The following PRAMEF17 variants were observed in gnomAD, a reference collection of about 807,000 sequenced individuals.
PRAMEF17 encodes the protein PRAME family member 17.
In PRAMEF17, 48 loss-of-function variants were observed where a neutral mutation model predicts 36.8. That is an observed-to-expected ratio of 1.30 (90% CI 1.03 to 1.66). PRAMEF17 has a LOEUF of 1.66. PRAMEF17 is among the 40% of genes most tolerant of loss of function. The pLI, the probability that PRAMEF17 is intolerant of heterozygous loss-of-function variation, is 0.00. For synonymous variants in PRAMEF17, 246 were observed against 220.4 expected, an observed-to-expected ratio of 1.12 and a Z score of -1.03; for missense variants, 639 against 560.6, an observed-to-expected ratio of 1.14 and a Z score of -1.41.
Position 13,392,175 on chromosome 1 carries a change from C to A in PRAMEF17, c.1098C>A (p.Leu366=). ...ACTGTCAGATCCAGGACTCCCAGCT[C>A]AGGGTCCTCCTGCCTGCCCTGAGCC... is the stretch of plus-strand genomic sequence containing the variant. ...LKDCQIQDSQ[L]RVLLPALSRC... Residue 366 remains leucine (L), a synonymous_variant, in exon 3 of 3, where the codon CTC becomes CTA. Coordinates refer to ENST00000376098, the MANE Select transcript of PRAMEF17 (RefSeq NM_001099851.3). 6.2e-7 allele frequency: 1 copy of A among 1,611,978 alleles called. No homozygotes were observed. The highest frequency in any genetic ancestry group is 8.5e-7 in the Non-Finnish European group (1 of 1,179,834).
chr1:13,390,298 G>A (rs1440750140), intron 1 of PRAMEF17, 43 bp from the exon 2 acceptor site: 2 of 1,611,818 alleles, frequency 1.2e-6, no homozygotes, highest in African/African-American at 1.3e-5. Flanking sequence ...TCAGGGGTGG[G>A]TCTTTGCCTA....
intron 2 of PRAMEF17, among the ~76,000 whole-genome samples, 181 bp downstream of exon 2, chr1:13,391,100 G>A (rs1307752992): frequency 1.3e-5 from 2 of 152,332 alleles, no homozygotes; most frequent in East Asian, 1.9e-4. Context: ...GGTATCACAA[G>A]CCCGCTCAAA....
chr1:13,390,779 T>A lies in PRAMEF17; in HGVS notation c.726T>A (p.Gly242=). The A allele has an allele frequency of 6.2e-7, 1 of 1,611,980 alleles. No individual in the cohort carries two copies. Among genetic ancestry groups the A allele is most frequent in the Admixed American group, 1.7e-5 (1 of 60,004 alleles). Residue 242 remains glycine (G), a synonymous_variant, in exon 2 of 3, where the codon GGT becomes GGA. Coordinates refer to ENST00000376098, the MANE Select transcript of PRAMEF17 (RefSeq NM_001099851.3). The part of the protein sequence containing the change: ...SNLRKLFLAF[G]YDDELYVSGQ... ...TTCGCAAACTCTTTTTAGCCTTCGG[T>A]TATGACGATGAGTTATATGTAAGCG... is the stretch of plus-strand genomic sequence containing the variant.
At position 13,392,392 on chromosome 1, in the gene PRAMEF17, T is replaced by C. The variant is rs543227398; in HGVS notation, c.1315T>C (p.Cys439Arg). 1.4e-4 allele frequency: 218 copies of C among 1,612,002 alleles called. 2 individuals carry two copies. In the East Asian group the frequency reaches 2.3e-3, roughly 17 times the overall value. ...CGCCCCAATTCGGGCTGAGCTGATG[T>C]GTACACTCAGGGAAGTCAGGCAGCC... ...ILAPIRAELMCTLREVRQPKR... is the reference protein window; with the variant it reads ...ILAPIRAELMRTLREVRQPKR... Residue 439 changes from cysteine (C) to arginine (R), a missense_variant, in exon 3 of 3, where the codon TGT (cysteine) becomes CGT (arginine). Cys to Arg is a radical substitution (Grantham distance 180). Coordinates refer to ENST00000376098, the MANE Select transcript of PRAMEF17 (RefSeq NM_001099851.3).
chr1:13,390,633 A>C lies in PRAMEF17; in HGVS notation c.580A>C (p.Ser194Arg). 6.2e-7 allele frequency: 1 copy of C among 1,612,010 alleles called. No individual in the cohort carries two copies. The highest frequency in any genetic ancestry group is 2.2e-5 in the East Asian group (1 of 44,878). Residue 194 changes from serine (S) to arginine (R), a missense_variant, in exon 2 of 3, where the codon AGT (serine) becomes CGT (arginine). Physicochemically the swap from Ser to Arg is moderately radical, Grantham distance 110. Transcript: ENST00000376098. ...GCAGAATTACTCAATGCCCACTTCA[A>C]GTTTCAGAAATTTATTGAAAAGGGT... ...KVQNYSMPTS[S>R]FRNLLKRVYP... is the part of the protein sequence containing the mutation.
intron 2 of PRAMEF17, 29 bp downstream of exon 2, chr1:13,390,948 A>C: frequency 3.7e-6 from 6 of 1,611,818 alleles, no homozygotes; most frequent in Non-Finnish European, 2.5e-6. Flanking sequence ...CTTTCTCTGC[A>C]GACCATACCA....
intron 2 of PRAMEF17, among the ~76,000 whole-genome samples, chr1:13,391,123 G>C (rs1640874916): frequency 6.6e-6 from 1 of 152,210 alleles, no homozygotes; most frequent in Non-Finnish European, 1.5e-5. Flanking sequence ...AGGGCGGAGG[G>C]ATGGCCCGGG....
intron 2 of PRAMEF17, among the ~76,000 whole-genome samples, 161 bp downstream of exon 2, chr1:13,391,080 T>A (rs1435090209): frequency 5.3e-5 from 8 of 152,288 alleles, no homozygotes; most frequent in East Asian, 1.9e-4. Flanking sequence ...GTGCTCTATA[T>A]CCTGAAGTGG....
Position 13,391,967 on chromosome 1 carries a change from C to T in PRAMEF17, c.890C>T (p.Thr297Ile). 6.2e-7 allele frequency: 1 copy of T among 1,611,514 alleles called. No individual in the cohort carries two copies. The highest frequency in any genetic ancestry group is 1.1e-5 in the South Asian group (1 of 90,910). ...AGGTGCCTCAAGAACCCCTTGGGAA[C>T]CTTTATATTCTGTCATGCTTACCTA... The part of the protein sequence containing the change: ...LLRCLKNPLG[T>I]FIFCHAYLAD... The change falls in exon 3 of 3, where the codon ACC becomes ATC. Residue 297 changes from threonine to isoleucine, a missense_variant. Thr to Ile is a moderately conservative substitution (Grantham distance 89). Transcript: ENST00000376098.
rs1640862663 is a variant in PRAMEF17 at position 13,390,354 on chromosome 1, C to T, written c.301C>T (p.Gln101Ter). The change falls in exon 2 of 3, where the codon CAA becomes TAA. Residue 101 changes from glutamine (Q) to a stop codon, truncating the protein, a stop_gained. Transcript: ENST00000376098. LOFTEE classifies it high-confidence loss of function. ...QKLRPRRWKL[Q>*]VLDLRDVDGN... ...TGTTACTCACAGGAGGTGGAAACTT[C>T]AAGTGCTGGATTTGCGGGATGTTGA... The T allele has an allele frequency of 6.2e-7, 1 of 1,611,952 alleles. No homozygotes were observed.
chr1:13,390,670 G>C lies in PRAMEF17; in HGVS notation c.617G>C (p.Ser206Thr). The C allele has an allele frequency of 6.2e-7, 1 of 1,612,034 alleles. No homozygotes were observed. Among genetic ancestry groups the C allele is most frequent in the Non-Finnish European group, 8.5e-7 (1 of 1,179,870 alleles). The change falls in exon 2 of 3, where the codon AGT becomes ACT. Residue 206 changes from serine to threonine, a missense_variant. Transcript: ENST00000376098. ...RNLLKRVYPD[S>T]IQELEIKRKC... Reference sequence around the variant, plus strand: ...TTATTGAAAAGGGTATACCCAGACAGTATCCAGGAGTTGGAAATTAAGAGA... The same window carrying C: ...TTATTGAAAAGGGTATACCCAGACACTATCCAGGAGTTGGAAATTAAGAGA...
At chr1:13,391,906 G>A (rs2100408441) in intron 2 of PRAMEF17, 38 bp from the exon 3 acceptor site, 1 of 1,604,788 alleles carries the variant, frequency 6.2e-7, no homozygotes, top group African/African-American at 1.3e-5. Context: ...TCCTCCAACT[G>A]GCACCATTGC....
rs1640857514 is a variant in PRAMEF17, at chr1:13,389,909, A to C, written c.252A>C (p.Gly84=). Reference sequence around the variant, plus strand: ...AGACCTTGCAAGCTGTGCTGAAGGGACTTGATACACTGCTGGCCCAGAAGC... The same window carrying C: ...AGACCTTGCAAGCTGTGCTGAAGGGCCTTGATACACTGCTGGCCCAGAAGC... ...HLETLQAVLK[G]LDTLLAQKLR... Residue 84 remains glycine (G), a synonymous_variant, in exon 1 of 3, where the codon GGA becomes GGC. Coordinates refer to ENST00000376098, the MANE Select transcript of PRAMEF17 (RefSeq NM_001099851.3). The C allele has an allele frequency of 6.2e-7, 1 of 1,613,010 alleles. No homozygotes were observed. Among genetic ancestry groups the C allele is most frequent in the Admixed American group, 1.7e-5 (1 of 60,004 alleles).
At chr1:13,391,877 A>T in intron 2 of PRAMEF17, 67 bp from the exon 3 acceptor site, 1 of 1,588,026 alleles carries the variant, frequency 6.3e-7, no homozygotes, top group African/African-American at 1.3e-5. Context: ...TTTACCATTG[A>T]GATGATTTCC....
At chr1:13,390,291 G>C in intron 1 of PRAMEF17, 50 bp from the exon 2 acceptor site, 3 of 1,611,520 alleles carry the variant, frequency 1.9e-6, no homozygotes, top group Non-Finnish European at 1.7e-6. Flanking sequence ...GCTCAGGTCA[G>C]GGGTGGGTCT....
Position 13,392,491 on chromosome 1 carries a change from C to G in PRAMEF17, c.1414C>G (p.Leu472Val), listed in dbSNP as rs756516050. 1.7e-5 allele frequency: 27 copies of G among 1,611,914 alleles called. No homozygotes were observed. Among genetic ancestry groups the G allele is most frequent in the African/African-American group, 4.0e-5 (3 of 74,870 alleles). Residue 472 changes from leucine to valine, a missense_variant, in exon 3 of 3, where the codon CTT becomes GTT. Leu to Val is a conservative substitution (Grantham distance 32). Transcript: ENST00000376098. ...SWPSEKVDFH[L>V]CS ...GCCATCTGAGAAAGTGGACTTCCATCTTTGCTCTTAGTGAAGGCCTGATTA... is the reference window on the plus strand; with the variant it reads ...GCCATCTGAGAAAGTGGACTTCCATGTTTGCTCTTAGTGAAGGCCTGATTA...
In PRAMEF17 at chr1:13,392,520, G is replaced by A; in HGVS notation, c.*18G>A. ...GCTCTTAGTGAAGGCCTGATTAGTG[G>A]GATGGATATGCTTTCTTCAGGACCC... On this transcript the variant is annotated 3_prime_UTR_variant, in exon 3 of 3. Coordinates refer to ENST00000376098, the MANE Select transcript of PRAMEF17 (RefSeq NM_001099851.3). The A allele has an allele frequency of 6.2e-7, 1 of 1,611,942 alleles. No individual in the cohort carries two copies. Among genetic ancestry groups the A allele is most frequent in the South Asian group, 1.1e-5 (1 of 90,980 alleles).
intron 2 of PRAMEF17, 130 bp from the exon 3 acceptor site, chr1:13,391,814 C>G (rs1156681486): frequency 7.2e-7 from 1 of 1,391,154 alleles, no homozygotes; most frequent in Non-Finnish European, 1.0e-6. Context: ...TTGCAGGTTA[C>G]TACAACACCT....
chr1:13,390,485 C>A lies in PRAMEF17; in HGVS notation c.432C>A (p.His144Gln). The A allele has an allele frequency of 6.2e-7, 1 of 1,611,962 alleles. No individual in the cohort carries two copies. Among genetic ancestry groups the A allele is most frequent in the Non-Finnish European group, 8.5e-7 (1 of 1,179,842 alleles). Reference sequence around the variant, plus strand: ...AGGACTATCCAAGGACGGGAGAGCACCAGCCCTTGAAGGTGTTCATAGACC... The same window carrying A: ...AGGACTATCCAAGGACGGGAGAGCAACAGCCCTTGAAGGTGTTCATAGACC... ...TVEDYPRTGE[H>Q]QPLKVFIDLC... The change falls in exon 2 of 3, where the codon CAC (histidine) becomes CAA (glutamine). Residue 144 changes from histidine (H) to glutamine (Q), a missense_variant. Coordinates refer to ENST00000376098, the MANE Select transcript of PRAMEF17 (RefSeq NM_001099851.3).
Sources: allele counts gnomAD v4.1 joint callset (sites outside exome capture counted in the v4.1 genomes callset), GRCh38; gene constraint gnomAD v4.1.1; transcripts MANE v1.5; gene names NCBI Gene and HGNC (gene_info 2026-07-23, HGNC 2026-07-21).